The following TNS1 variants were observed in gnomAD, a reference collection of about 807,000 sequenced individuals.
The protein encoded by TNS1 is tensin 1, also known as tensin-1.
Under a neutral mutation model 168.6 loss-of-function variants are expected in TNS1, and 62 were observed. The observed-to-expected ratio is 0.37, with a 90% CI of 0.30 to 0.45. The LOEUF (loss-of-function observed/expected upper bound fraction) is 0.45, where lower values mean the gene tolerates loss of function less well. Ranked by LOEUF, TNS1 falls within the 20% of genes least tolerant of loss-of-function variation. TNS1 has a pLI of 1.00. For synonymous variants in TNS1, 934 were observed against 933.2 expected, an observed-to-expected ratio of 1.00 and a Z score of -0.02; for missense variants, 2,240 against 2,339.4, an observed-to-expected ratio of 0.96 and a Z score of 0.88.
At chr2:217,823,736 G>A (rs183752975) in intron 22 of TNS1, among the ~76,000 whole-genome samples, 2 of 152,190 alleles carry the variant, frequency 1.3e-5, no homozygotes, top group Non-Finnish European at 2.9e-5. Context: ...AGTGGACAAG[G>A]CTGGGGCAGT....
intron 24 of TNS1, among the ~76,000 whole-genome samples, chr2:217,815,743 C>T (rs1941793008): frequency 1.3e-5 from 2 of 152,200 alleles, no homozygotes; most frequent in Admixed American, 6.5e-5. Flanking sequence ...CCTTTCTCCA[C>T]AGGTTCAGTT....
intron 1 of TNS1, among the ~76,000 whole-genome samples, chr2:218,008,825 C>T (rs938334096): frequency 6.6e-6 from 1 of 152,182 alleles, no homozygotes; most frequent in Non-Finnish European, 1.5e-5. Flanking sequence ...CATACTCCAA[C>T]TCTGGCCTGC....
Position 217,813,892 on chromosome 2 carries a change from C to A in TNS1, c.4730-76G>T, listed in dbSNP as rs1045505179. On this transcript the variant is annotated intron_variant, in intron 25 of 32. Transcript: ENST00000682258. The surrounding 1 kb of genome is among the most constrained non-coding windows in gnomAD (Gnocchi z 4.0). ...CTAGTTTTACTTAAGTCTCATTGAGCCTACCGACCTTCGTTCTTTCTTAGG... is the reference window on the plus strand; with the variant it reads ...CTAGTTTTACTTAAGTCTCATTGAGACTACCGACCTTCGTTCTTTCTTAGG... 1.4e-6 allele frequency: 2 copies of A among 1,454,562 alleles called. No homozygotes were observed. Among genetic ancestry groups the A allele is most frequent in the Non-Finnish European group, 1.8e-6 (2 of 1,101,296 alleles). The allele number at this position is 1,454,562 out of a possible 1,614,324, so 90.1% of individuals were successfully genotyped here.
At chr2:217,809,147 TAG>T (rs1939864576) in intron 30 of TNS1, among the ~76,000 whole-genome samples, 1 of 151,642 alleles carries the variant, frequency 6.6e-6, no homozygotes, top group Admixed American at 6.6e-5. Context: ...TGGTAAGGGA[TAG>T]ATGAGGGATG....
chr2:217,892,290 C>T (rs766741132), intron 11 of TNS1, among the ~76,000 whole-genome samples: 13 of 152,062 alleles, frequency 8.5e-5, no homozygotes, highest in East Asian at 1.9e-4. Flanking sequence ...TTAGTAGAGA[C>T]GGAGTTTCAC....
chr2:217,903,121 C>T (rs1035539320), intron 6 of TNS1, among the ~76,000 whole-genome samples: 1 of 152,176 alleles, frequency 6.6e-6, no homozygotes, highest in Non-Finnish European at 1.5e-5. Flanking sequence ...ACAAGGCATC[C>T]GGTCATCCCT....
chr2:217,983,334 C>T (rs117608302), intron 2 of TNS1, among the ~76,000 whole-genome samples: 6 of 152,154 alleles, frequency 3.9e-5, no homozygotes, highest in African/African-American at 1.4e-4. Context: ...TACAAACCCA[C>T]GTATGCACCC....
intron 22 of TNS1, among the ~76,000 whole-genome samples, chr2:217,826,723 G>T (rs1314681402): frequency 1.3e-5 from 2 of 152,206 alleles, no homozygotes; most frequent in African/African-American, 4.8e-5. Flanking sequence ...ACAGGGAGTT[G>T]GGCAGGGCGG....
Position 217,812,367 on chromosome 2 carries a change from C to T in TNS1, c.5032+1G>A. On this transcript the variant is annotated splice_donor_variant, in intron 28 of 32. Transcript: ENST00000682258. LOFTEE classifies it high-confidence loss of function. ...GTGAGCCAGGAGTCTCACGTTCCTA[C>T]CTCGGTTTGGAATGACCAGCTTGCA... The T allele has an allele frequency of 6.2e-7, 1 of 1,613,720 alleles. No individual in the cohort carries two copies. Among genetic ancestry groups the T allele is most frequent in the Non-Finnish European group, 8.5e-7 (1 of 1,179,812 alleles).
At chr2:217,910,482 T>C (rs1043757906) in intron 4 of TNS1, among the ~76,000 whole-genome samples, 2 of 151,840 alleles carry the variant, frequency 1.3e-5, no homozygotes, top group Admixed American at 1.3e-4. Flanking sequence ...CTTCCAGCCT[T>C]GGGGCTACTG....
At chr2:217,963,125 G>A (rs182336861) in intron 3 of TNS1, among the ~76,000 whole-genome samples, 1 of 152,288 alleles carries the variant, frequency 6.6e-6, no homozygotes, top group East Asian at 1.9e-4. Flanking sequence ...GAGGGTCAGA[G>A]GATAGTTCAA....
At chr2:217,988,657 C>T (rs1490620317) in intron 2 of TNS1, among the ~76,000 whole-genome samples, 2 of 152,196 alleles carry the variant, frequency 1.3e-5, no homozygotes, top group African/African-American at 4.8e-5. Context: ...GGCTCCAACC[C>T]TAAACTGCCC....
intron 25 of TNS1, chr2:217,814,121 C>A: frequency 4.9e-6 from 1 of 203,152 alleles, no homozygotes; most frequent in Admixed American, 5.5e-5. Context: ...CCCACCTCAG[C>A]CTCTCCAGTA....
At chr2:217,887,400 C>T (rs1233878092) in intron 12 of TNS1, among the ~76,000 whole-genome samples, 2 of 152,170 alleles carry the variant, frequency 1.3e-5, no homozygotes, top group African/African-American at 4.8e-5. Flanking sequence ...CCTCTGCCTC[C>T]CGGGTTCAAG....
At chr2:217,914,338 T>C (rs1575061879) in intron 4 of TNS1, among the ~76,000 whole-genome samples, 2 of 152,092 alleles carry the variant, frequency 1.3e-5, no homozygotes, top group East Asian at 3.9e-4. Flanking sequence ...TTCAGCACAT[T>C]CAGGGATGCC....
chr2:217,807,283 G>T (rs1422388002), intron 32 of TNS1, among the ~76,000 whole-genome samples: 1 of 152,198 alleles, frequency 6.6e-6, no homozygotes, highest in Non-Finnish European at 1.5e-5. Flanking sequence ...GACAGATCAT[G>T]GTGATAGTCT....
chr2:217,907,870 C>T (rs1204797087), intron 4 of TNS1, among the ~76,000 whole-genome samples: 1 of 152,200 alleles, frequency 6.6e-6, no homozygotes, highest in African/African-American at 2.4e-5. Flanking sequence ...TGCCTGTTCC[C>T]ACATCCAGGT....
chr2:217,910,713 TACACACACACACACACAC>T (rs10554233), intron 4 of TNS1, among the ~76,000 whole-genome samples: 61 of 106,842 alleles, frequency 5.7e-4, no homozygotes, highest in African/African-American at 1.1e-3. Flanking sequence ...CACATACACA[TACACACACACACACACAC>T]ACACACACAC....
intron 3 of TNS1, among the ~76,000 whole-genome samples, chr2:217,976,259 C>T (rs1957891733): frequency 6.6e-6 from 1 of 152,174 alleles, no homozygotes; most frequent in Non-Finnish European, 1.5e-5. Context: ...GCATTTGGCC[C>T]GTGGAAGGAG....
Sources: allele counts gnomAD v4.1 joint callset (sites outside exome capture counted in the v4.1 genomes callset), GRCh38; gene constraint gnomAD v4.1.1; non-coding constraint Gnocchi (gnomAD v3.1); transcripts MANE v1.5; gene names NCBI Gene and HGNC (gene_info 2026-07-23, HGNC 2026-07-21).